SCAPER: variants seen among roughly 807,000 people sequenced by gnomAD.
SCAPER encodes the protein S-phase cyclin A associated protein in the ER, also known as S phase cyclin A-associated protein in the endoplasmic reticulum.
SCAPER carries 98 observed loss-of-function variants against 182.2 expected under a neutral mutation model. That is an observed-to-expected ratio of 0.54 (90% CI 0.46 to 0.64). The LOEUF is 0.64. Ranked by LOEUF, SCAPER falls within the 30% of genes least tolerant of loss-of-function variation. The probability of loss-of-function intolerance (pLI) is 0.00; values close to 1 mark genes in which losing one functional copy is unlikely to be tolerated. For missense variants in SCAPER, 1,432 were observed against 1,690.0 expected, an observed-to-expected ratio of 0.85 and a Z score of 2.68; for synonymous variants, 605 against 564.6, an observed-to-expected ratio of 1.07 and a Z score of -1.01.
At chr15:76,474,974 A>C (rs1346642832) in intron 24 of SCAPER, among the ~76,000 whole-genome samples, 1 of 152,204 alleles carries the variant, frequency 6.6e-6, no homozygotes, top group Non-Finnish European at 1.5e-5. Context: ...CATTTATGAC[A>C]TATCAGTTGG....
chr15:76,705,612 A>C (rs1276287704), intron 18 of SCAPER, among the ~76,000 whole-genome samples: 6 of 151,988 alleles, frequency 3.9e-5, no homozygotes, highest in Non-Finnish European at 5.9e-5. Flanking sequence ...ATGTAAATAC[A>C]CTTAACATGA....
At chr15:76,689,136 C>A (rs527362303) in intron 20 of SCAPER, among the ~76,000 whole-genome samples, 1 of 152,106 alleles carries the variant, frequency 6.6e-6, no homozygotes, top group African/African-American at 2.4e-5. Context: ...GCATGAGCCA[C>A]CGCACCCAGC....
chr15:76,759,631 A>C (rs2062656887), intron 14 of SCAPER, among the ~76,000 whole-genome samples: 1 of 152,222 alleles, frequency 6.6e-6, no homozygotes, highest in African/African-American at 2.4e-5. Flanking sequence ...TGTGTGGAGT[A>C]AAGTTCCTTC....
At chr15:76,359,756 G>T (rs1018610973) in intron 29 of SCAPER, among the ~76,000 whole-genome samples, 6 of 152,206 alleles carry the variant, frequency 3.9e-5, no homozygotes, top group Admixed American at 1.3e-4. Flanking sequence ...AGTATATGTA[G>T]CTGAATCCCA....
intron 8 of SCAPER, among the ~76,000 whole-genome samples, chr15:76,791,842 G>C (rs181231346): frequency 3.4e-4 from 51 of 152,016 alleles, no homozygotes; most frequent in African/African-American, 1.1e-3. Flanking sequence ...AAAGGCATAA[G>C]GACTAATTAA....
At chr15:76,663,573 A>G (rs933072147) in intron 21 of SCAPER, among the ~76,000 whole-genome samples, 12 of 152,058 alleles carry the variant, frequency 7.9e-5, no homozygotes, top group Non-Finnish European at 1.5e-4. Flanking sequence ...ATAAACCTCA[A>G]AAACAGTATA....
intron 22 of SCAPER, among the ~76,000 whole-genome samples, chr15:76,607,477 A>G (rs539508940): frequency 6.6e-6 from 1 of 152,214 alleles, no homozygotes; most frequent in African/African-American, 2.4e-5. Flanking sequence ...ACTTTGGTGA[A>G]TCTGACAATT....
At chr15:76,728,256 G>A (rs989655890) in intron 17 of SCAPER, among the ~76,000 whole-genome samples, 2 of 149,990 alleles carry the variant, frequency 1.3e-5, no homozygotes, top group Non-Finnish European at 3.0e-5. Flanking sequence ...TGACTCTTGT[G>A]ATCTAGACTT....
intron 23 of SCAPER, among the ~76,000 whole-genome samples, chr15:76,526,110 T>C (rs560373146): frequency 6.6e-6 from 1 of 152,222 alleles, no homozygotes; most frequent in Non-Finnish European, 1.5e-5. Context: ...TCATCATTTT[T>C]ATATATCCTA....
At chr15:76,592,423 T>C (rs2049188638) in intron 22 of SCAPER, among the ~76,000 whole-genome samples, 1 of 121,954 alleles carries the variant, frequency 8.2e-6, no homozygotes, top group South Asian at 2.5e-4. Flanking sequence ...GATAGACAGT[T>C]GAATAAGTGA....
intron 23 of SCAPER, among the ~76,000 whole-genome samples, chr15:76,532,535 T>C (rs2043767085): frequency 6.6e-6 from 1 of 152,164 alleles, no homozygotes; most frequent in South Asian, 2.1e-4. Context: ...TTTTCTCTCA[T>C]TCAAGTCTGC....
At chr15:76,554,018 G>C (rs1038493867) in intron 23 of SCAPER, among the ~76,000 whole-genome samples, 1 of 152,088 alleles carries the variant, frequency 6.6e-6, no homozygotes, top group Non-Finnish European at 1.5e-5. Flanking sequence ...TCAGAATGTA[G>C]ACAGGAATGA....
intron 23 of SCAPER, among the ~76,000 whole-genome samples, chr15:76,518,789 G>A (rs2042632711): frequency 1.3e-5 from 2 of 152,348 alleles, no homozygotes; most frequent in Admixed American, 6.5e-5. Flanking sequence ...GATGAACAGT[G>A]TTTAACATTG....
At chr15:76,605,699 G>C (rs2050326214) in intron 22 of SCAPER, among the ~76,000 whole-genome samples, 1 of 152,172 alleles carries the variant, frequency 6.6e-6, no homozygotes, top group Non-Finnish European at 1.5e-5. Context: ...CTCAATTTCA[G>C]AGCCTGTTAT....
intron 22 of SCAPER, among the ~76,000 whole-genome samples, chr15:76,584,045 A>T (rs1597505803): frequency 6.6e-6 from 1 of 151,940 alleles, no homozygotes; most frequent in South Asian, 2.1e-4. Context: ...ATAAACAGAT[A>T]AAAAAAATGT....
chr15:76,534,039 T>C (rs1356264574), intron 23 of SCAPER, among the ~76,000 whole-genome samples: 1 of 152,254 alleles, frequency 6.6e-6, no homozygotes, highest in African/African-American at 2.4e-5. Flanking sequence ...GCAACTAGTA[T>C]AAAAATTCTA....
rs1555555703 is a variant in SCAPER at position 76,726,124 on chromosome 15, A to AATATGAATATATATAT, written c.2165+2470_2165+2471insATATATATATTCATAT. 2.5e-3 allele frequency among the ~76,000 whole-genome samples: 39 copies of AATATGAATATATATAT among 15,346 alleles called. 1 individual carries two copies. The highest frequency in any genetic ancestry group is 5.5e-3 in the African/African-American group (38 of 6,870). The allele number at this position is 15,346 out of a possible 152,430, so 10.1% of individuals were successfully genotyped here. On this transcript the variant is annotated intron_variant, in intron 17 of 31. Transcript: ENST00000563290. ...TCTTTGATAAAGGGTTAATGTCTAG[A>AATATGAATATATATAT]ATATATATATATATATATATATATA...
intron 23 of SCAPER, among the ~76,000 whole-genome samples, chr15:76,557,406 C>T (rs778397266): frequency 6.6e-6 from 1 of 152,174 alleles, no homozygotes; most frequent in Non-Finnish European, 1.5e-5. Context: ...GTGTCTCCAC[C>T]AAATTTCATG....
intron 24 of SCAPER, among the ~76,000 whole-genome samples, chr15:76,501,332 T>C (rs1257297293): frequency 3.0e-5 from 4 of 134,470 alleles, no homozygotes; most frequent in African/African-American, 1.1e-4. Flanking sequence ...TAGGTATAAC[T>C]CTCAATTTCA....
Sources: gnomAD v4.1 joint callset for allele counts (sites outside exome capture counted in the v4.1 genomes callset) on GRCh38, gnomAD v4.1.1 for gene constraint, MANE v1.5 for transcripts, NCBI Gene and HGNC (gene_info 2026-07-23, HGNC 2026-07-21) for gene names.